The following METTL15 variants were observed in gnomAD, a reference collection of about 807,000 sequenced individuals.
The protein encoded by METTL15 is 12S rRNA N(4)-cytidine methyltransferase METTL15.
Under a neutral mutation model 38.3 loss-of-function variants are expected in METTL15, and 34 were observed. The ratio of observed to expected loss-of-function variants is 0.89; its 90% CI spans 0.68 to 1.18. The LOEUF is 1.18. Ranked by LOEUF, METTL15 falls within the 50% of genes most tolerant of loss-of-function variation. The pLI, the probability that METTL15 is intolerant of heterozygous loss-of-function variation, is 0.00. For missense variants in METTL15, 438 were observed against 498.4 expected, an observed-to-expected ratio of 0.88 and a Z score of 1.15; for synonymous variants, 162 against 170.9, an observed-to-expected ratio of 0.95 and a Z score of 0.41.
At chr11:28,183,492 C>T (rs1394772478) in intron 3 of METTL15, among the ~76,000 whole-genome samples, 1 of 151,862 alleles carries the variant, frequency 6.6e-6, no homozygotes, top group Admixed American at 6.6e-5. Context: ...TGTTGAAGGC[C>T]TTTTCTGCAT....
chr11:28,365,162 T>C (rs1473427948), intron 5 of METTL15, among the ~76,000 whole-genome samples: 1 of 152,128 alleles, frequency 6.6e-6, no homozygotes, highest in East Asian at 1.9e-4. Flanking sequence ...GTCTCTGCCA[T>C]GTTGTGGTAT....
chr11:28,283,356 G>A lies in METTL15; in HGVS notation c.408-6850G>A, dbSNP rs540735172. Among the ~76,000 whole-genome samples the A allele has an allele frequency of 7.6e-4, 116 of 152,212 alleles. 1 individual carries two copies. The highest frequency in any genetic ancestry group is 2.7e-3 in the African/African-American group (112 of 41,540). On this transcript the variant is annotated intron_variant, in intron 4 of 6. Coordinates refer to ENST00000407364, the MANE Select transcript of METTL15 (RefSeq NM_001113528.2). Reference sequence around the variant, plus strand: ...ATATCAAGCACCTTAGAAACCATGGGAATTTTAGATTTCTGTAGCCAAGAT... The same window carrying A: ...ATATCAAGCACCTTAGAAACCATGGAAATTTTAGATTTCTGTAGCCAAGAT...
chr11:28,130,381 A>C (rs1435442195), intron 3 of METTL15, among the ~76,000 whole-genome samples: 1 of 152,180 alleles, frequency 6.6e-6, no homozygotes, highest in Admixed American at 6.5e-5. Context: ...GGATGGATTT[A>C]AATATCAGGG....
intron 3 of METTL15, among the ~76,000 whole-genome samples, chr11:28,339,064 G>C (rs1032385666): frequency 6.6e-6 from 1 of 152,112 alleles, no homozygotes; most frequent in African/African-American, 2.4e-5. Context: ...ACTGGACCTT[G>C]AAGGAATTGG....
chr11:28,341,042 C>T (rs985697571), intron 3 of METTL15, among the ~76,000 whole-genome samples: 1 of 152,088 alleles, frequency 6.6e-6, no homozygotes, highest in Non-Finnish European at 1.5e-5. Context: ...AAGCTAGAAA[C>T]CATCATTCTC....
chr11:28,286,676 G>C (rs1219940423), intron 4 of METTL15, among the ~76,000 whole-genome samples: 1 of 152,070 alleles, frequency 6.6e-6, no homozygotes. Context: ...GTTCAAACGT[G>C]AGCTGAGGAC....
chr11:28,490,026 G>A (rs1489591600), intron 6 of METTL15, among the ~76,000 whole-genome samples: 1 of 152,068 alleles, frequency 6.6e-6, no homozygotes, highest in Non-Finnish European at 1.5e-5. Context: ...GGTAGGGGTA[G>A]AAGAGGAATA....
chr11:28,505,565 T>C (rs1298647345), intron 6 of METTL15, among the ~76,000 whole-genome samples: 1 of 152,240 alleles, frequency 6.6e-6, no homozygotes, highest in Admixed American at 6.5e-5. Flanking sequence ...TCTTCATAGC[T>C]CTCTGAAGAC....
At chr11:28,245,471 T>A (rs919296146) in intron 4 of METTL15, among the ~76,000 whole-genome samples, 4 of 152,152 alleles carry the variant, frequency 2.6e-5, no homozygotes, top group East Asian at 1.9e-4. Context: ...TTTACAAAGC[T>A]TGATTTTTTT....
At chr11:28,208,633 G>T (rs1464372379) in intron 3 of METTL15, among the ~76,000 whole-genome samples, 1 of 152,134 alleles carries the variant, frequency 6.6e-6, no homozygotes, top group Admixed American at 6.6e-5. Context: ...GGTCCGCTTT[G>T]TGCAGAGCTG....
At chr11:28,372,692 A>C (rs1850258393) in intron 5 of METTL15, among the ~76,000 whole-genome samples, 1 of 151,042 alleles carries the variant, frequency 6.6e-6, no homozygotes, top group South Asian at 2.1e-4. Context: ...ATATGTATAC[A>C]TGTGCCATGC....
At chr11:28,179,416 A>G (rs1851201251) in intron 3 of METTL15, among the ~76,000 whole-genome samples, 2 of 151,718 alleles carry the variant, frequency 1.3e-5, no homozygotes, top group African/African-American at 4.8e-5. Context: ...TTACTACTCA[A>G]ATGAAGATAT....
intron 4 of METTL15, among the ~76,000 whole-genome samples, chr11:28,243,638 G>A (rs1426784598): frequency 1.3e-5 from 2 of 151,984 alleles, no homozygotes; most frequent in East Asian, 1.9e-4. Flanking sequence ...TAGCATTCCA[G>A]GATCTCCAAG....
intron 6 of METTL15, among the ~76,000 whole-genome samples, chr11:28,451,456 G>T (rs1017693109): frequency 6.6e-6 from 1 of 152,050 alleles, no homozygotes; most frequent in East Asian, 1.9e-4. Context: ...GTGGTGGCGG[G>T]CACCTGTAGT....
At chr11:28,280,554 A>AT (rs1420515522) in intron 4 of METTL15, among the ~76,000 whole-genome samples, 2 of 151,304 alleles carry the variant, frequency 1.3e-5, no homozygotes, top group Non-Finnish European at 2.9e-5. Context: ...ATCTTGAATC[A>AT]TTTTGGAAGC....
rs753093793 is a variant in METTL15, at chr11:28,452,176, G to A, written c.*424+27812G>A. Reference sequence around the variant, plus strand: ...AAGCAAACATTTTGTGGAGAGAGCCGTTTGGAATAATAGGGAGGGGTGCCT... The same window carrying A: ...AAGCAAACATTTTGTGGAGAGAGCCATTTGGAATAATAGGGAGGGGTGCCT... On this transcript the variant is annotated intron_variant and NMD_transcript_variant, in intron 6 of 7. Transcript: ENST00000532947. Among the ~76,000 whole-genome samples, 8 of 152,308 alleles carry A rather than the reference G, an allele frequency of 5.3e-5. No individual in the cohort carries two copies. The South Asian group carries it at 6.2e-4, about 12-fold the overall frequency.
intron 5 of METTL15, among the ~76,000 whole-genome samples, chr11:28,377,306 A>G (rs1416147943): frequency 1.5e-3 from 233 of 151,872 alleles, no homozygotes; most frequent in Non-Finnish European, 1.9e-3. Flanking sequence ...CCAATCAGAC[A>G]TAGATTTGGT....
At chr11:28,526,682 A>AAGC (rs1851814641) in exon 8 of METTL15, 3 of 152,008 alleles carry the variant, frequency 2.0e-5, no homozygotes, top group Non-Finnish European at 4.4e-5. Context: ...GGTTCAGAAG[A>AAGC]AACAAAGCCT....
At chr11:28,426,592 T>TG (rs141420805) in intron 6 of METTL15, among the ~76,000 whole-genome samples, 55,228 of 142,842 alleles carry the variant, frequency 0.39, 11,156 homozygotes, top group African/African-American at 0.53. Flanking sequence ...CTGTTTTTTT[T>TG]TTTTTTTTTT....
Sources: gnomAD v4.1 joint callset for allele counts (sites outside exome capture counted in the v4.1 genomes callset) on GRCh38, gnomAD v4.1.1 for gene constraint, MANE v1.5 for transcripts, NCBI Gene and HGNC (gene_info 2026-07-23, HGNC 2026-07-21) for gene names.